ARHGAP29: variants seen among roughly 807,000 people sequenced by gnomAD.
ARHGAP29 encodes the protein rho GTPase-activating protein 29.
Under a neutral mutation model 122.6 loss-of-function variants are expected in ARHGAP29, and 43 were observed. The ratio of observed to expected loss-of-function variants is 0.35; its 90% CI spans 0.27 to 0.45. The LOEUF (loss-of-function observed/expected upper bound fraction) is 0.45, where lower values mean the gene tolerates loss of function less well. Ranked by LOEUF, ARHGAP29 falls within the 20% of genes least tolerant of loss-of-function variation. The pLI, the probability that ARHGAP29 is intolerant of heterozygous loss-of-function variation, is 1.00. For missense variants in ARHGAP29, 1,303 were observed against 1,477.2 expected (o/e 0.88, Z 1.93); for synonymous variants, 506 against 497.1 (o/e 1.02, Z -0.24).
At chr1:94,288,423 A>G in the ARHGAP29 span, among the ~76,000 whole-genome samples, 2 of 152,188 alleles carry the variant, frequency 1.3e-5, no homozygotes, top group Non-Finnish European at 2.9e-5. Flanking sequence ...GTAGATTGCA[A>G]AAATTTTCTC....
chr1:94,286,264 T>C, the ARHGAP29 span, among the ~76,000 whole-genome samples: 4 of 152,184 alleles, frequency 2.6e-5, no homozygotes, highest in African/African-American at 9.7e-5. Context: ...CTCATTTAAC[T>C]ATAATTATGG....
the ARHGAP29 span, among the ~76,000 whole-genome samples, chr1:94,292,148 T>C: frequency 9.8e-3 from 1,497 of 152,330 alleles, 22 homozygotes; most frequent in African/African-American, 0.033. Flanking sequence ...GCTTTGTTTG[T>C]TTCTTTTCAC....
chr1:94,250,002 ATT>A (rs11398069), intron 1 of ARHGAP29, among the ~76,000 whole-genome samples: 1 of 150,596 alleles, frequency 6.6e-6, no homozygotes, highest in South Asian at 2.1e-4. Context: ...TTCCAGTGTG[ATT>A]TTTTTTTTAA....
upstream of ARHGAP29, among the ~76,000 whole-genome samples, chr1:94,239,568 G>GAGAA (rs779475960): frequency 1.3e-5 from 2 of 151,986 alleles, no homozygotes; most frequent in African/African-American, 4.8e-5. Flanking sequence ...AACAATAAAG[G>GAGAA]AGAAAGAAAG....
intron 1 of ARHGAP29, among the ~76,000 whole-genome samples, chr1:94,273,290 G>A (rs6697764): frequency 0.33 from 50,035 of 152,074 alleles, 8,697 homozygotes; most frequent in South Asian, 0.41. Flanking sequence ...CTCCTCCTTT[G>A]CACGAGCTAG....
the ARHGAP29 span, among the ~76,000 whole-genome samples, chr1:94,306,988 AC>A: frequency 7.9e-5 from 12 of 152,228 alleles, no homozygotes; most frequent in Non-Finnish European, 1.6e-4. Context: ...CAACAACAAA[AC>A]AAAAAAGTTA....
intron 2 of ARHGAP29, among the ~76,000 whole-genome samples, chr1:94,226,778 A>C (rs1440620305): frequency 6.6e-6 from 1 of 151,900 alleles, no homozygotes; most frequent in Non-Finnish European, 1.5e-5. Context: ...TCTAGTCACT[A>C]AACAATAATC....
chr1:94,174,799 G>A (rs779600924), intron 22 of ARHGAP29, 50 bp from the exon 23 acceptor site: 2 of 1,550,788 alleles, frequency 1.3e-6, no homozygotes, highest in Non-Finnish European at 1.7e-6. Flanking sequence ...GTTAATAAGA[G>A]AGTTTGAATG....
At chr1:94,304,632 G>A in the ARHGAP29 span, among the ~76,000 whole-genome samples, 1 of 152,218 alleles carries the variant, frequency 6.6e-6, no homozygotes, top group Non-Finnish European at 1.5e-5. Flanking sequence ...GTGGAGAGCA[G>A]GTATTGTATC....
At chr1:94,278,231 A>T (rs1369271329), upstream of ARHGAP29, among the ~76,000 whole-genome samples, 1 of 152,162 alleles carries the variant, frequency 6.6e-6, no homozygotes, top group Non-Finnish European at 1.5e-5. Flanking sequence ...AGGCAGAGAG[A>T]TAATTTCAGC....
At chr1:94,291,458 G>C in the ARHGAP29 span, among the ~76,000 whole-genome samples, 1 of 152,112 alleles carries the variant, frequency 6.6e-6, no homozygotes, top group African/African-American at 2.4e-5. Flanking sequence ...TACATTTAAG[G>C]TTAATATTGT....
intron 15 of ARHGAP29, 90 bp from the exon 16 acceptor site, chr1:94,186,687 T>C: frequency 2.1e-6 from 2 of 949,834 alleles, no homozygotes; most frequent in Non-Finnish European, 3.3e-6. Flanking sequence ...TAACACGTCA[T>C]ACTATTTTAT....
At chr1:94,238,018 A>G (rs1224113313), upstream of ARHGAP29, among the ~76,000 whole-genome samples, 2 of 142,080 alleles carry the variant, frequency 1.4e-5, no homozygotes, top group Non-Finnish European at 3.1e-5. Context: ...TCTGCCCTCT[A>G]TGGAGGGTAA....
chr1:94,169,521 T>C lies in ARHGAP29; in HGVS notation c.*4348A>G, dbSNP rs1263150948. ...AAGTTACAAAGATGGAAAGGGAGAC[T>C]AGATTAACCTCAAAGGATTGAATTG... On this transcript the variant is annotated 3_prime_UTR_variant, in exon 23 of 23. Coordinates refer to ENST00000260526, the MANE Select transcript of ARHGAP29 (RefSeq NM_004815.4). 1.3e-5 allele frequency among the ~76,000 whole-genome samples: 2 copies of C among 152,190 alleles called. No individual in the cohort carries two copies. Among genetic ancestry groups the C allele is most frequent in the Admixed American group, 6.5e-5 (1 of 15,276 alleles).
intron 1 of ARHGAP29, among the ~76,000 whole-genome samples, chr1:94,248,500 C>A (rs1461793778): frequency 6.6e-6 from 1 of 152,198 alleles, no homozygotes; most frequent in East Asian, 1.9e-4. Flanking sequence ...CCTTTCCTGT[C>A]ACCTGTGCTG....
intron 1 of ARHGAP29, among the ~76,000 whole-genome samples, chr1:94,266,634 C>A (rs548105471): frequency 1.3e-5 from 2 of 152,146 alleles, no homozygotes; most frequent in African/African-American, 4.8e-5. Context: ...GCTGGGAGAA[C>A]CAACTCATTC....
chr1:94,292,940 G>A, the ARHGAP29 span, among the ~76,000 whole-genome samples: 1 of 152,190 alleles, frequency 6.6e-6, no homozygotes, highest in Non-Finnish European at 1.5e-5. Flanking sequence ...GAGGCAGTCT[G>A]TCTGTTATTG....
At chr1:94,268,997 T>A (rs1654890754) in intron 1 of ARHGAP29, among the ~76,000 whole-genome samples, 1 of 152,174 alleles carries the variant, frequency 6.6e-6, no homozygotes, top group Non-Finnish European at 1.5e-5. Flanking sequence ...AAGGTTATAT[T>A]TTTTAATGGT....
chr1:94,294,251 T>A, the ARHGAP29 span, among the ~76,000 whole-genome samples: 421 of 151,442 alleles, frequency 2.8e-3, 5 homozygotes, highest in African/African-American at 9.6e-3. Flanking sequence ...TCAGCAATTA[T>A]ATATACATAC....
Sources: allele counts gnomAD v4.1 joint callset (sites outside exome capture counted in the v4.1 genomes callset), GRCh38; gene constraint gnomAD v4.1.1; transcripts MANE v1.5; gene names NCBI Gene and HGNC (gene_info 2026-07-23, HGNC 2026-07-21).